Variants in HMGB1 observed in about 807,000 individuals in gnomAD.
HMGB1 encodes the protein high mobility group box 1, also known as high mobility group protein B1.
For missense variants in HMGB1, 79 were observed against 253.5 expected (o/e 0.31, Z 4.67); for synonymous variants, 81 against 84.0 (o/e 0.96, Z 0.19).
intron 1 of HMGB1, among the ~76,000 whole-genome samples, chr13:30,519,516 A>G (rs1376074756): frequency 6.7e-6 from 1 of 148,618 alleles, no homozygotes; most frequent in Non-Finnish European, 1.5e-5. Context: ...TAACACAGTG[A>G]AACCCTGTCT....
At chr13:30,478,564 A>T (rs745659400) in intron 1 of HMGB1, among the ~76,000 whole-genome samples, 24 of 152,238 alleles carry the variant, frequency 1.6e-4, no homozygotes, top group Non-Finnish European at 3.5e-4. Flanking sequence ...TTTCAGAAGG[A>T]TCCCTGTTTG....
intron 1 of HMGB1, among the ~76,000 whole-genome samples, chr13:30,531,470 C>G (rs1888491125): frequency 6.6e-6 from 1 of 150,634 alleles, no homozygotes; most frequent in African/African-American, 2.5e-5. Flanking sequence ...CTCATAACAA[C>G]CACTAACTAC....
intron 1 of HMGB1, among the ~76,000 whole-genome samples, chr13:30,498,960 T>G (rs562113017): frequency 2.5e-4 from 38 of 149,604 alleles, no homozygotes; most frequent in African/African-American, 9.1e-4. Flanking sequence ...TTTTTTGTTT[T>G]TTTTTTTTTT....
chr13:30,566,405 G>C (rs992188019), intron 1 of HMGB1, among the ~76,000 whole-genome samples: 2 of 152,332 alleles, frequency 1.3e-5, no homozygotes, highest in East Asian at 3.9e-4. Flanking sequence ...CTCTGCCACT[G>C]TAGGGCAAAA....
At chr13:30,541,390 A>G (rs1278642425) in intron 1 of HMGB1, among the ~76,000 whole-genome samples, 1 of 152,202 alleles carries the variant, frequency 6.6e-6, no homozygotes, top group Non-Finnish European at 1.5e-5. Context: ...ATAAAACCTA[A>G]GATTTCCTGG....
intron 1 of HMGB1, among the ~76,000 whole-genome samples, chr13:30,576,089 T>G (rs1246989450): frequency 6.6e-6 from 1 of 152,204 alleles, no homozygotes; most frequent in Non-Finnish European, 1.5e-5. Context: ...TGACATTTTC[T>G]ATACTATACT....
intron 1 of HMGB1, among the ~76,000 whole-genome samples, chr13:30,478,814 G>T (rs1254470914): frequency 2.6e-5 from 4 of 151,528 alleles, no homozygotes; most frequent in African/African-American, 9.7e-5. Flanking sequence ...TTATAGGCAT[G>T]AGCCACACGG....
intron 1 of HMGB1, among the ~76,000 whole-genome samples, chr13:30,493,406 T>G (rs1887542501): frequency 6.6e-6 from 1 of 152,194 alleles, no homozygotes; most frequent in Non-Finnish European, 1.5e-5. Flanking sequence ...CTCAGTTGTT[T>G]TCCGGGGCAG....
chr13:30,491,730 C>G (rs942161075), intron 1 of HMGB1, among the ~76,000 whole-genome samples: 3 of 151,298 alleles, frequency 2.0e-5, no homozygotes, highest in African/African-American at 7.3e-5. Flanking sequence ...GAAATCAACT[C>G]AAAATGAATG....
chr13:30,535,664 C>T (rs574625797), intron 1 of HMGB1, among the ~76,000 whole-genome samples: 1 of 152,328 alleles, frequency 6.6e-6, no homozygotes, highest in Non-Finnish European at 1.5e-5. Context: ...CTGAGGAGGG[C>T]AGATCACCTA....
chr13:30,525,688 G>T (rs542999509), intron 1 of HMGB1, among the ~76,000 whole-genome samples: 128 of 148,990 alleles, frequency 8.6e-4, no homozygotes, highest in African/African-American at 3.0e-3. Context: ...AGATTGCACA[G>T]AAACAAAATA....
At chr13:30,494,017 C>G (rs985270581) in intron 1 of HMGB1, among the ~76,000 whole-genome samples, 1 of 151,852 alleles carries the variant, frequency 6.6e-6, no homozygotes, top group East Asian at 1.9e-4. Flanking sequence ...AAAAAAAACT[C>G]TTTCAATGGC....
At chr13:30,520,734 C>G (rs1193735355) in intron 1 of HMGB1, among the ~76,000 whole-genome samples, 1 of 152,236 alleles carries the variant, frequency 6.6e-6, no homozygotes, top group Non-Finnish European at 1.5e-5. Context: ...TGCTTATTCA[C>G]TCAGTATCGT....
At chr13:30,526,700 C>A (rs1340017027) in intron 1 of HMGB1, among the ~76,000 whole-genome samples, 2 of 152,210 alleles carry the variant, frequency 1.3e-5, no homozygotes, top group African/African-American at 4.8e-5. Context: ...AGCAAGCCTG[C>A]CACCACGAGC....
At chr13:30,609,945 T>C (rs1950498201) in intron 1 of HMGB1, among the ~76,000 whole-genome samples, 1 of 152,206 alleles carries the variant, frequency 6.6e-6, no homozygotes, top group South Asian at 2.1e-4. Context: ...GGATGAATAG[T>C]ATTCCACGAT....
intron 1 of HMGB1, among the ~76,000 whole-genome samples, chr13:30,533,324 C>G (rs1888539166): frequency 6.6e-6 from 1 of 152,206 alleles, no homozygotes; most frequent in African/African-American, 2.4e-5. Context: ...TCATCTATAA[C>G]AGAACCATAA....
intron 1 of HMGB1, among the ~76,000 whole-genome samples, chr13:30,526,308 C>G (rs1422472360): frequency 6.6e-6 from 1 of 151,928 alleles, no homozygotes; most frequent in African/African-American, 2.4e-5. Flanking sequence ...GCGCCTGCCT[C>G]GGCCTCCCAA....
At chr13:30,582,102 T>C (rs1870924831) in intron 1 of HMGB1, among the ~76,000 whole-genome samples, 1 of 152,060 alleles carries the variant, frequency 6.6e-6, no homozygotes, top group Admixed American at 6.5e-5. Context: ...GTCAAAGATA[T>C]GGGGTGATTC....
intron 1 of HMGB1, among the ~76,000 whole-genome samples, chr13:30,484,459 G>A (rs1447535035): frequency 3.9e-5 from 6 of 152,236 alleles, no homozygotes; most frequent in Non-Finnish European, 7.3e-5. Context: ...TGCCATTCCT[G>A]AAGTAGGATC....
Sources: gnomAD v4.1 joint callset for allele counts (sites outside exome capture counted in the v4.1 genomes callset) on GRCh38, gnomAD v4.1.1 for gene constraint, MANE v1.5 for transcripts, NCBI Gene and HGNC (gene_info 2026-07-23, HGNC 2026-07-21) for gene names.